Variants in TXNRD1 observed in about 807,000 individuals in gnomAD.
TXNRD1 encodes thioredoxin reductase 1.
Under a neutral mutation model 80.3 loss-of-function variants are expected in TXNRD1, and 57 were observed. The ratio of observed to expected loss-of-function variants is 0.71; its 90% CI spans 0.57 to 0.89. TXNRD1 has a LOEUF of 0.89. TXNRD1 is among the 40% of genes least tolerant of loss of function. The pLI is 0.00. For synonymous variants in TXNRD1, 291 were observed against 285.2 expected (o/e 1.02, Z -0.20); for missense variants, 730 against 803.0 (o/e 0.91, Z 1.10).
intron 3 of TXNRD1, among the ~76,000 whole-genome samples, chr12:104,288,292 A>G (rs577959485): frequency 6.6e-6 from 1 of 152,318 alleles, no homozygotes; most frequent in East Asian, 1.9e-4. Context: ...ATTTATGTCT[A>G]ATGAATAGGC....
chr12:104,349,455 A>G lies in TXNRD1; in HGVS notation c.*1034A>G, dbSNP rs935475321. 6 of 152,680 alleles carry G rather than the reference A, an allele frequency of 3.9e-5. No individual in the cohort carries two copies. The highest frequency in any genetic ancestry group is 8.8e-5 in the Non-Finnish European group (6 of 68,054). 9.5% of individuals were successfully genotyped at this position (152,680 alleles called of 1,614,324 possible). A position where few individuals can be genotyped will look rare whatever the true frequency, so the allele number is the denominator to read the frequency against. ...TGGTAATTGCTTTTTAAAGGAAGTT[A>G]TTAATATCATAAGTTATTATTAATA... On this transcript the variant is annotated 3_prime_UTR_variant, in exon 17 of 17. Transcript: ENST00000525566.
chr12:104,287,660 G>A (rs1039286953), intron 3 of TXNRD1, among the ~76,000 whole-genome samples: 2 of 152,120 alleles, frequency 1.3e-5, no homozygotes, highest in African/African-American at 4.8e-5. Flanking sequence ...CAAGTGGCGT[G>A]CCCAGCTGGA....
At position 104,258,086 on chromosome 12, in the gene TXNRD1, T is replaced by G; in HGVS notation, c.304+7T>G. 1 of 1,533,674 alleles carries G rather than the reference T, an allele frequency of 6.5e-7. No individual in the cohort carries two copies. The highest frequency in any genetic ancestry group is 8.8e-7 in the Non-Finnish European group (1 of 1,130,724). On this transcript the variant is annotated splice_region_variant and intron_variant, in intron 3 of 16. Coordinates refer to ENST00000525566, the MANE Select transcript of TXNRD1 (RefSeq NM_001093771.3). ...CTTGAACTTGATCAAACAGGTAAGT[T>G]TCTGTTTAATATGTAAATCATAGCT...
intron 3 of TXNRD1, chr12:104,286,877 G>T (rs1372961045): frequency 2.7e-6 from 3 of 1,111,250 alleles, no homozygotes; most frequent in Non-Finnish European, 3.3e-6. Flanking sequence ...GGAGCTCTCA[G>T]CTTACGAGGC....
intron 16 of TXNRD1, chr12:104,346,091 C>T: frequency 1.1e-6 from 1 of 896,824 alleles, no homozygotes; most frequent in Non-Finnish European, 1.6e-6. Flanking sequence ...CAGTTCACTG[C>T]AGCCTTGACC....
chr12:104,329,835 A>G (rs1016817197), intron 13 of TXNRD1, among the ~76,000 whole-genome samples: 3 of 152,094 alleles, frequency 2.0e-5, no homozygotes, highest in African/African-American at 7.2e-5. Context: ...TCCAGGAAAG[A>G]CCCTGGGCTC....
intron 6 of TXNRD1, 46 bp downstream of exon 6, chr12:104,313,363 TC>T: frequency 6.9e-7 from 1 of 1,449,364 alleles, no homozygotes; most frequent in Non-Finnish European, 9.3e-7. Context: ...GAAGTAGTTT[TC>T]CCCTGGCAAT....
intron 13 of TXNRD1, among the ~76,000 whole-genome samples, chr12:104,328,616 C>T (rs568247943): frequency 6.6e-6 from 1 of 151,836 alleles, no homozygotes; most frequent in South Asian, 2.1e-4. Context: ...ATTAGCCGGC[C>T]GTGGTGGTGG....
At chr12:104,250,307 C>CA (rs1449654260) in intron 1 of TXNRD1, among the ~76,000 whole-genome samples, 2 of 151,298 alleles carry the variant, frequency 1.3e-5, no homozygotes, top group Non-Finnish European at 2.9e-5. Flanking sequence ...AAGACTCTTA[C>CA]AAAAAAAATA....
chr12:104,313,354 A>C, intron 6 of TXNRD1, 37 bp downstream of exon 6: 1 of 1,487,512 alleles, frequency 6.7e-7, no homozygotes. Flanking sequence ...GATGTTGCCG[A>C]AGTAGTTTTC....
chr12:104,261,940 T>G (rs34217906), intron 3 of TXNRD1, among the ~76,000 whole-genome samples: 36,271 of 150,930 alleles, frequency 0.24, 4,728 homozygotes, highest in Middle Eastern at 0.39. Context: ...TAGAGACAGG[T>G]TTTCACCGTG....
At chr12:104,221,946 G>A (rs979902039) in intron 1 of TXNRD1, among the ~76,000 whole-genome samples, 2 of 152,196 alleles carry the variant, frequency 1.3e-5, no homozygotes, top group African/African-American at 2.4e-5. Context: ...GGTGGAGACT[G>A]GGGTGGACTG....
chr12:104,343,795 T>C (rs1009082764), intron 16 of TXNRD1, among the ~76,000 whole-genome samples: 1 of 58,162 alleles, frequency 1.7e-5, no homozygotes, highest in African/African-American at 7.8e-5. Context: ...TGAGACCCTG[T>C]CTCAAAAAAA....
At position 104,339,470 on chromosome 12, in the gene TXNRD1, G is replaced by A. The variant is rs763217338; in HGVS notation, c.1881+197G>A. 3.7e-5 allele frequency: 28 copies of A among 764,498 alleles called. No homozygotes were observed. In the East Asian group the frequency reaches 4.6e-4, roughly 13 times the overall value. 47.4% of individuals were successfully genotyped at this position (764,498 alleles called of 1,614,324 possible). On this transcript the variant is annotated intron_variant, in intron 16 of 16. Transcript: ENST00000525566. ...ATGAACTGGAGGCTTCCGTCATGTC[G>A]TTAAGTGGTAAAAATTATGAGAGTG...
intron 4 of TXNRD1, among the ~76,000 whole-genome samples, chr12:104,307,464 A>G (rs988265946): frequency 6.6e-6 from 1 of 152,190 alleles, no homozygotes; most frequent in Non-Finnish European, 1.5e-5. Context: ...ATTAATTCCT[A>G]CCAGCCACTA....
intron 12 of TXNRD1, among the ~76,000 whole-genome samples, chr12:104,326,697 C>T (rs182584647): frequency 1.3e-5 from 2 of 152,082 alleles, no homozygotes; most frequent in African/African-American, 4.8e-5. Context: ...AACTCCTGAC[C>T]TCAGGTGATC....
intron 1 of TXNRD1, among the ~76,000 whole-genome samples, chr12:104,238,300 A>G (rs2032781680): frequency 6.6e-6 from 1 of 152,218 alleles, no homozygotes; most frequent in Non-Finnish European, 1.5e-5. Context: ...AGCTTTTAAT[A>G]TTGTAACATT....
At chr12:104,248,344 G>A (rs2033036918) in intron 1 of TXNRD1, among the ~76,000 whole-genome samples, 1 of 152,086 alleles carries the variant, frequency 6.6e-6, no homozygotes, top group Non-Finnish European at 1.5e-5. Context: ...GAGTGCAGTG[G>A]TGCGATCTTG....
At chr12:104,272,036 G>A (rs988067032) in intron 3 of TXNRD1, among the ~76,000 whole-genome samples, 1 of 152,080 alleles carries the variant, frequency 6.6e-6, no homozygotes, top group African/African-American at 2.4e-5. Context: ...GCATGGTGGC[G>A]AGTGCCTGTA....
Sources: gnomAD v4.1 joint callset for allele counts (sites outside exome capture counted in the v4.1 genomes callset) on GRCh38, gnomAD v4.1.1 for gene constraint, MANE v1.5 for transcripts, NCBI Gene and HGNC (gene_info 2026-07-23, HGNC 2026-07-21) for gene names.